The following ZNF282 variants were observed in gnomAD, a reference collection of about 807,000 sequenced individuals.
The protein encoded by ZNF282 is HTLV-I U5 repressive element-binding protein 1.
Under a neutral mutation model 61.9 loss-of-function variants are expected in ZNF282, and 30 were observed. The observed-to-expected ratio is 0.48, with a 90% CI of 0.36 to 0.66. ZNF282 has a LOEUF of 0.66. ZNF282 is among the 30% of genes least tolerant of loss of function. The probability of loss-of-function intolerance (pLI) is 0.00; values close to 1 mark genes in which losing one functional copy is unlikely to be tolerated. For synonymous variants in ZNF282, 396 were observed against 405.0 expected (o/e 0.98, Z 0.27); for missense variants, 788 against 941.4 (o/e 0.84, Z 2.13).
At chr7:149,212,002 A>T (rs740130) in intron 5 of ZNF282, among the ~76,000 whole-genome samples, 6,069 of 152,272 alleles carry the variant, frequency 0.04, 167 homozygotes, top group Non-Finnish European at 0.059. Flanking sequence ...TATATAATTT[A>T]AAAAAAGAGG....
intron 2 of ZNF282, among the ~76,000 whole-genome samples, chr7:149,201,964 C>T (rs576718537): frequency 4.9e-4 from 74 of 152,086 alleles, no homozygotes; most frequent in Non-Finnish European, 9.3e-4. Flanking sequence ...CCCTGAATAT[C>T]TGCATGGCCG....
At chr7:149,208,917 A>T (rs1294932227) in intron 4 of ZNF282, among the ~76,000 whole-genome samples, 2 of 148,842 alleles carry the variant, frequency 1.3e-5, no homozygotes, top group Non-Finnish European at 3.0e-5. Context: ...GCTACTCGGG[A>T]GGCTGAGGCA....
At chr7:149,210,752 A>G in intron 5 of ZNF282, 48 bp downstream of exon 5, 1 of 1,506,390 alleles carries the variant, frequency 6.6e-7, no homozygotes. Context: ...AGGGGAGGGG[A>G]GAGGGTTAGC....
chr7:149,210,304 C>G (rs1796062826), intron 4 of ZNF282, among the ~76,000 whole-genome samples: 1 of 152,154 alleles, frequency 6.6e-6, no homozygotes, highest in Admixed American at 6.5e-5. Context: ...GTCATCACCC[C>G]TCATTTTGCT....
Position 149,224,503 on chromosome 7 carries a change from C to T in ZNF282, c.1872C>T (p.His624=). Reference sequence around the variant, plus strand: ...ACCTGCTCAAGCACCAGCGCATCCACACGGGCGAGCGCCCCTACACGTGCG... The same window carrying T: ...ACCTGCTCAAGCACCAGCGCATCCATACGGGCGAGCGCCCCTACACGTGCG... The part of the protein sequence containing the change: ...KQNLLKHQRI[H]TGERPYTCGE... Residue 624 remains histidine (H), a synonymous_variant, in exon 8 of 8, where the codon CAC becomes CAT. Transcript: ENST00000610704. 1 of 1,613,242 alleles carries T rather than the reference C, an allele frequency of 6.2e-7. No homozygotes were observed. The highest frequency in any genetic ancestry group is 8.5e-7 in the Non-Finnish European group (1 of 1,179,940).
In ZNF282 at chr7:149,224,293, C is replaced by T. The variant is rs758100065; in HGVS notation, c.1662C>T (p.Ser554=). The T allele has an allele frequency of 1.5e-5, 24 of 1,613,176 alleles. No homozygotes were observed. Among genetic ancestry groups the T allele is most frequent in the Non-Finnish European group, 1.9e-5 (23 of 1,179,914 alleles). ...ACGAGTGCGCTGAGTGCGAGAAGAG[C>T]TTCAACTGCCACTCGGGCCTCATCC... ...RPYECAECEK[S]FNCHSGLIRH... The change falls in exon 8 of 8, where the codon AGC becomes AGT. Residue 554 remains serine (S), a synonymous_variant. Coordinates refer to ENST00000610704, the MANE Select transcript of ZNF282 (RefSeq NM_003575.4).
At chr7:149,201,751 T>TA (rs915204272) in intron 2 of ZNF282, among the ~76,000 whole-genome samples, 17 of 151,436 alleles carry the variant, frequency 1.1e-4, no homozygotes, top group East Asian at 1.9e-4. Context: ...GAATCTGTCT[T>TA]AAAAAAAACC....
At chr7:149,212,065 T>C (rs1796092359) in intron 5 of ZNF282, among the ~76,000 whole-genome samples, 1 of 152,206 alleles carries the variant, frequency 6.6e-6, no homozygotes, top group African/African-American at 2.4e-5. Context: ...TGTGGTGGTC[T>C]CAGCACCAGA....
chr7:149,196,250 C>T (rs1256504502), intron 1 of ZNF282, among the ~76,000 whole-genome samples: 1 of 152,214 alleles, frequency 6.6e-6, no homozygotes, highest in Non-Finnish European at 1.5e-5. Flanking sequence ...AATTCACTCT[C>T]CCCCTGCACC....
chr7:149,207,551 G>A (rs976827787), intron 4 of ZNF282, 81 bp downstream of exon 4: 6 of 1,527,016 alleles, frequency 3.9e-6, no homozygotes, highest in African/African-American at 2.7e-5. Flanking sequence ...CTGCCGCGAG[G>A]CGCCACTGTG....
At position 149,212,431 on chromosome 7, in the gene ZNF282, G is replaced by A. The variant is rs187864442; in HGVS notation, c.1026G>A (p.Gln342=). 3.1e-6 allele frequency: 5 copies of A among 1,613,122 alleles called. No homozygotes were observed. The highest frequency in any genetic ancestry group is 4.2e-6 in the Non-Finnish European group (5 of 1,179,602). ...AGCATCAGTGCGTGTGGGATCAGCA[G>A]GATTTGGCAGACAGAGATATTCCCA... ...QEEHQCVWDQ[Q]DLADRDIPTD... The change falls in exon 6 of 8, where the codon CAG becomes CAA. Residue 342 remains glutamine (Q), a synonymous_variant. Coordinates refer to ENST00000610704, the MANE Select transcript of ZNF282 (RefSeq NM_003575.4).
intron 2 of ZNF282, among the ~76,000 whole-genome samples, chr7:149,205,177 C>G (rs1795973473): frequency 6.6e-6 from 1 of 152,008 alleles, no homozygotes; most frequent in Non-Finnish European, 1.5e-5. Flanking sequence ...CAGTGGCTCA[C>G]CCCTGTAATC....
At chr7:149,205,259 GA>G (rs1054697843) in intron 2 of ZNF282, among the ~76,000 whole-genome samples, 2 of 151,348 alleles carry the variant, frequency 1.3e-5, no homozygotes, top group African/African-American at 4.9e-5. Flanking sequence ...CCAATATGGC[GA>G]AACCCCGTCT....
intron 7 of ZNF282, among the ~76,000 whole-genome samples, chr7:149,217,654 A>T (rs1796180149): frequency 6.6e-6 from 1 of 152,160 alleles, no homozygotes; most frequent in South Asian, 2.1e-4. Flanking sequence ...TAAAGCCAGG[A>T]TGCAGCAATG....
In ZNF282 at chr7:149,195,584, C is replaced by A. The variant is rs1388110746; in HGVS notation, c.-6C>A. On this transcript the variant is annotated 5_prime_UTR_variant, in exon 1 of 8. Coordinates refer to ENST00000610704, the MANE Select transcript of ZNF282 (RefSeq NM_003575.4). ...GCCGACCCGAGCGGGGAACAGCACT[C>A]CCAGGATGCAGTTTGTGTCAACACG... The A allele has an allele frequency of 6.2e-7, 1 of 1,609,556 alleles. No individual in the cohort carries two copies. Among genetic ancestry groups the A allele is most frequent in the African/African-American group, 1.3e-5 (1 of 74,310 alleles).
intron 5 of ZNF282, among the ~76,000 whole-genome samples, chr7:149,211,592 C>T (rs1164636691): frequency 6.6e-6 from 1 of 152,272 alleles, no homozygotes; most frequent in South Asian, 2.1e-4. Flanking sequence ...ATCTGGGTAC[C>T]GTGGCCGAGC....
chr7:149,204,246 G>C (rs935876236), intron 2 of ZNF282, among the ~76,000 whole-genome samples: 1 of 152,208 alleles, frequency 6.6e-6, no homozygotes, highest in Non-Finnish European at 1.5e-5. Context: ...AAGATGATTT[G>C]ACCTTTCGAA....
Position 149,224,900 on chromosome 7 carries a change from C to T in ZNF282, c.*253C>T. 3.4e-6 allele frequency: 2 copies of T among 591,908 alleles called. No homozygotes were observed. The highest frequency in any genetic ancestry group is 5.6e-6 in the Non-Finnish European group (2 of 358,654). The allele number at this position is 591,908 out of a possible 1,614,324, so 36.7% of individuals were successfully genotyped here. A position where few individuals can be genotyped will look rare whatever the true frequency, so the allele number is the denominator to read the frequency against. ...GCGAGGAGCCGAGCGTCCTCGGGCA[C>T]CGCCCTCACACCTCCTCGAGTGCCC... On this transcript the variant is annotated 3_prime_UTR_variant, in exon 8 of 8. Transcript: ENST00000610704.
In ZNF282 at chr7:149,223,846, G is replaced by A. The variant is rs1585579209; in HGVS notation, c.1215G>A (p.Pro405=). 1.1e-5 allele frequency: 16 copies of A among 1,438,894 alleles called. No individual in the cohort carries two copies. The highest frequency in any genetic ancestry group is 2.7e-5 in the Admixed American group (1 of 37,084). 89.1% of individuals were successfully genotyped at this position (1,438,894 alleles called of 1,614,324 possible). The change falls in exon 8 of 8, where the codon CCG becomes CCA. Residue 405 remains proline, a synonymous_variant. Transcript: ENST00000610704. ...TGCTGATGGTGAAGAACCCACCCCC[G>A]GCCCCGCCACAGCCCCAGCCCCAGC... The part of the protein sequence containing the change: ...DSLLMVKNPP[P]APPQPQPQPQ...
Sources: allele counts gnomAD v4.1 joint callset (sites outside exome capture counted in the v4.1 genomes callset), GRCh38; gene constraint gnomAD v4.1.1; transcripts MANE v1.5; gene names NCBI Gene and HGNC (gene_info 2026-07-23, HGNC 2026-07-21).